DAB1: variants seen among roughly 807,000 people sequenced by gnomAD.
The protein encoded by DAB1 is disabled homolog 1.
In DAB1, 15 loss-of-function variants were observed where a neutral mutation model predicts 64.6. The ratio of observed to expected loss-of-function variants is 0.23; its 90% CI spans 0.16 to 0.36. The LOEUF (loss-of-function observed/expected upper bound fraction) is 0.36, where lower values mean the gene tolerates loss of function less well. Ranked by LOEUF, DAB1 falls within the 10% of genes least tolerant of loss-of-function variation. DAB1 has a pLI of 1.00. For missense variants in DAB1, 596 were observed against 706.7 expected, an observed-to-expected ratio of 0.84 and a Z score of 1.78; for synonymous variants, 235 against 251.9, an observed-to-expected ratio of 0.93 and a Z score of 0.64.
chr1:57,743,879 A>C (rs1282231339), intron 6 of DAB1, among the ~76,000 whole-genome samples: 1 of 152,236 alleles, frequency 6.6e-6, no homozygotes, highest in African/African-American at 2.4e-5. Context: ...TAAATTAACT[A>C]AAAATATCCC....
intron 5 of DAB1, among the ~76,000 whole-genome samples, chr1:57,900,494 C>T (rs1474996517): frequency 6.6e-6 from 1 of 152,196 alleles, no homozygotes; most frequent in Non-Finnish European, 1.5e-5. Flanking sequence ...CGGCAGAGGC[C>T]TTGCAGCCCT....
intron 5 of DAB1, among the ~76,000 whole-genome samples, chr1:58,033,515 A>T (rs1647000337): frequency 6.6e-6 from 1 of 152,106 alleles, no homozygotes; most frequent in South Asian, 2.1e-4. Flanking sequence ...TCATCCAGCA[A>T]ATTCCTATGC....
At chr1:57,160,185 C>T (rs970397751) in intron 2 of DAB1, among the ~76,000 whole-genome samples, 2 of 152,186 alleles carry the variant, frequency 1.3e-5, no homozygotes, top group Admixed American at 6.5e-5. Flanking sequence ...TAAAGTATTA[C>T]ACTAGGTATA....
intron 4 of DAB1, among the ~76,000 whole-genome samples, chr1:57,094,809 C>T (rs1196892712): frequency 6.6e-6 from 1 of 152,044 alleles, no homozygotes; most frequent in Non-Finnish European, 1.5e-5. Flanking sequence ...TCCATCCAGG[C>T]CAGGCCAGTA....
At chr1:58,526,332 C>A (rs1428753556) in intron 2 of DAB1, among the ~76,000 whole-genome samples, 1 of 152,036 alleles carries the variant, frequency 6.6e-6, no homozygotes, top group Non-Finnish European at 1.5e-5. Flanking sequence ...ATCCATAAAA[C>A]TTATGAGAGG....
At chr1:57,998,784 G>A (rs557555486) in intron 5 of DAB1, among the ~76,000 whole-genome samples, 38 of 152,346 alleles carry the variant, frequency 2.5e-4, no homozygotes, top group African/African-American at 8.4e-4. Flanking sequence ...AGTCCTTTCA[G>A]CTAGGGAGAG....
chr1:57,415,286 T>C (rs115320085), intron 1 of DAB1, among the ~76,000 whole-genome samples: 13,437 of 143,752 alleles, frequency 0.093, 620 homozygotes, highest in Middle Eastern at 0.13. Context: ...CACACATATA[T>C]GCACACACTC....
chr1:58,297,108 A>T (rs1662012609), intron 4 of DAB1, among the ~76,000 whole-genome samples: 1 of 152,202 alleles, frequency 6.6e-6, no homozygotes, highest in African/African-American at 2.4e-5. Context: ...GGTAAGTAGT[A>T]TTTAATCAAT....
At chr1:57,154,406 T>C (rs529525645) in intron 2 of DAB1, among the ~76,000 whole-genome samples, 186 of 152,368 alleles carry the variant, frequency 1.2e-3, no homozygotes, top group African/African-American at 4.4e-3. Flanking sequence ...TACTCCATTA[T>C]GTAAATGTAA....
At chr1:57,193,224 C>A (rs369877688) in intron 2 of DAB1, among the ~76,000 whole-genome samples, 2 of 151,936 alleles carry the variant, frequency 1.3e-5, no homozygotes, top group East Asian at 3.9e-4. Flanking sequence ...CTCCACCACC[C>A]ACCCCACCCG....
intron 4 of DAB1, among the ~76,000 whole-genome samples, chr1:57,098,655 T>C (rs745869884): frequency 2.6e-5 from 4 of 152,160 alleles, no homozygotes; most frequent in Non-Finnish European, 5.9e-5. Context: ...TGTTTAAAGA[T>C]GAGAGAAGAA....
intron 1 of DAB1, among the ~76,000 whole-genome samples, chr1:57,351,256 T>G (rs1678570046): frequency 6.6e-6 from 1 of 152,160 alleles, no homozygotes; most frequent in South Asian, 2.1e-4. Context: ...ACTGGTTCCC[T>G]GCTCAGAAAT....
At chr1:58,326,606 T>A (rs1237198181) in intron 4 of DAB1, among the ~76,000 whole-genome samples, 1 of 152,184 alleles carries the variant, frequency 6.6e-6, no homozygotes, top group African/African-American at 2.4e-5. Context: ...ACAGGCATCA[T>A]CTCCTTTAAT....
At chr1:57,633,278 G>A (rs1419069462) in intron 7 of DAB1, among the ~76,000 whole-genome samples, 14 of 152,224 alleles carry the variant, frequency 9.2e-5, no homozygotes, top group South Asian at 2.1e-4. Flanking sequence ...ACTTGAGCAC[G>A]CATCTGAATA....
At chr1:57,333,694 C>A (rs114407490) in intron 1 of DAB1, among the ~76,000 whole-genome samples, 2,142 of 152,310 alleles carry the variant, frequency 0.014, 37 homozygotes, top group African/African-American at 0.041. Flanking sequence ...AGATTGCAGA[C>A]AGTGTTAGTA....
At chr1:57,607,475 C>T (rs1364170845) in intron 7 of DAB1, among the ~76,000 whole-genome samples, 2 of 152,116 alleles carry the variant, frequency 1.3e-5, no homozygotes, top group Non-Finnish European at 2.9e-5. Context: ...TTATTGTCTA[C>T]CCAGTCATGT....
At chr1:58,340,451 G>T (rs1233266490) in intron 4 of DAB1, among the ~76,000 whole-genome samples, 1 of 152,174 alleles carries the variant, frequency 6.6e-6, no homozygotes, top group Non-Finnish European at 1.5e-5. Context: ...CACTCCTCCT[G>T]CACTCAATCT....
chr1:58,527,216 A>G lies in DAB1; in HGVS notation n.107+45T>C, dbSNP rs372269511. ...TTAAAATAACACACGTTTATCTTTC[A>G]GCCTGGGAAGGGCATTATGTATTCT... On this transcript the variant is annotated intron_variant and non_coding_transcript_variant, in intron 2 of 20. Transcript: ENST00000485760. 5.0e-5 allele frequency: 43 copies of G among 853,336 alleles called. No homozygotes were observed. The African/African-American group carries it at 6.1e-4, about 12-fold the overall frequency. 52.9% of individuals were successfully genotyped at this position (853,336 alleles called of 1,614,324 possible).
intron 3 of DAB1, among the ~76,000 whole-genome samples, chr1:57,143,830 T>C (rs1658846543): frequency 1.3e-5 from 2 of 151,912 alleles, no homozygotes. Flanking sequence ...AACAAGCTTT[T>C]TTTTTTCCTT....
Sources: allele counts gnomAD v4.1 joint callset (sites outside exome capture counted in the v4.1 genomes callset), GRCh38; gene constraint gnomAD v4.1.1; transcripts MANE v1.5; gene names NCBI Gene and HGNC (gene_info 2026-07-23, HGNC 2026-07-21).